Variants in INPP4B observed in about 807,000 individuals in gnomAD.
INPP4B encodes inositol polyphosphate-4-phosphatase type II B, also known as inositol polyphosphate 4-phosphatase type II.
A neutral mutation model predicts 122.5 loss-of-function variants in INPP4B; 55 were observed. That is an observed-to-expected ratio of 0.45 (90% CI 0.36 to 0.56). The LOEUF (loss-of-function observed/expected upper bound fraction) is 0.56, where lower values mean the gene tolerates loss of function less well. Ranked by LOEUF, INPP4B falls within the 20% of genes least tolerant of loss-of-function variation. The probability of loss-of-function intolerance (pLI) is 0.00; values close to 1 mark genes in which losing one functional copy is unlikely to be tolerated. For missense variants in INPP4B, 1,000 were observed against 1,097.7 expected (o/e 0.91, Z 1.26); for synonymous variants, 403 against 388.7 (o/e 1.04, Z -0.43).
intron 1 of INPP4B, among the ~76,000 whole-genome samples, chr4:142,825,764 A>G (rs2151166841): frequency 6.6e-6 from 1 of 152,228 alleles, no homozygotes; most frequent in East Asian, 1.9e-4. Flanking sequence ...GGAATAGAAG[A>G]GTGCTCTGAA....
intron 12 of INPP4B, among the ~76,000 whole-genome samples, chr4:142,231,174 G>A (rs945408566): frequency 6.6e-6 from 1 of 152,200 alleles, no homozygotes; most frequent in African/African-American, 2.4e-5. Context: ...GAGACTAACA[G>A]CAAGTGTGTT....
intron 24 of INPP4B, among the ~76,000 whole-genome samples, chr4:142,084,886 T>C (rs541244863): frequency 6.6e-6 from 1 of 152,324 alleles, no homozygotes; most frequent in Admixed American, 6.5e-5. Flanking sequence ...GGCATGAGTA[T>C]CAAACTATCT....
intron 2 of INPP4B, among the ~76,000 whole-genome samples, chr4:142,582,676 T>A (rs1279102154): frequency 6.6e-6 from 1 of 152,092 alleles, no homozygotes; most frequent in Non-Finnish European, 1.5e-5. Flanking sequence ...GTTTGGTGGG[T>A]GTGAAATCAA....
intron 2 of INPP4B, among the ~76,000 whole-genome samples, chr4:142,480,552 A>C (rs1310879739): frequency 6.6e-6 from 1 of 152,194 alleles, no homozygotes; most frequent in Non-Finnish European, 1.5e-5. Flanking sequence ...GGAAAAAAAC[A>C]AGGATCTCTG....
chr4:142,716,691 C>T (rs1203641730), intron 2 of INPP4B, among the ~76,000 whole-genome samples: 1 of 152,212 alleles, frequency 6.6e-6, no homozygotes, highest in African/African-American at 2.4e-5. Context: ...CCCAAGTCTA[C>T]ATTAGCAGCA....
chr4:142,188,639 C>G (rs1427980307), intron 15 of INPP4B, among the ~76,000 whole-genome samples: 1 of 149,336 alleles, frequency 6.7e-6, no homozygotes, highest in Non-Finnish European at 1.5e-5. Flanking sequence ...AGGGATCATG[C>G]TAGAAATAGA....
At chr4:142,380,726 C>T (rs945001453) in intron 7 of INPP4B, among the ~76,000 whole-genome samples, 2 of 151,770 alleles carry the variant, frequency 1.3e-5, no homozygotes, top group Admixed American at 6.6e-5. Context: ...CTGTATGTAT[C>T]CTCCCATATT....
At chr4:142,699,386 A>T (rs1324745723) in intron 2 of INPP4B, among the ~76,000 whole-genome samples, 2 of 152,082 alleles carry the variant, frequency 1.3e-5, no homozygotes, top group Admixed American at 1.3e-4. Flanking sequence ...ATATCTTTAT[A>T]CCTCAAACTA....
chr4:142,362,353 C>T (rs1447903227), intron 7 of INPP4B, among the ~76,000 whole-genome samples: 4 of 151,696 alleles, frequency 2.6e-5, no homozygotes, highest in Non-Finnish European at 4.4e-5. Flanking sequence ...GGTAAGTGTG[C>T]TTTAACAAGG....
In INPP4B at chr4:142,611,014, T is replaced by G. The variant is rs74597553; in HGVS notation, c.-191+114825A>C. 8.8e-3 allele frequency among the ~76,000 whole-genome samples: 1,347 copies of G among 152,210 alleles called. 25 individuals are homozygous for G. Among genetic ancestry groups the G allele is most frequent in the African/African-American group, 0.031 (1,277 of 41,520 alleles). On this transcript the variant is annotated intron_variant, in intron 2 of 25. Coordinates refer to ENST00000262992, the MANE Select transcript of INPP4B (RefSeq NM_001101669.3). ...TGAGTAATTTATAAAGAAAAGAGATTTAGTTTGCTCACAGTTCTGCAGGAT... is the reference window on the plus strand; with the variant it reads ...TGAGTAATTTATAAAGAAAAGAGATGTAGTTTGCTCACAGTTCTGCAGGAT...
chr4:142,283,981 T>C (rs1752362601), intron 9 of INPP4B, among the ~76,000 whole-genome samples: 2 of 152,056 alleles, frequency 1.3e-5, no homozygotes, highest in South Asian at 2.1e-4. Context: ...AAGGGAAGAA[T>C]AGGTTTTGAG....
intron 2 of INPP4B, among the ~76,000 whole-genome samples, chr4:142,515,323 A>G (rs930882728): frequency 6.6e-6 from 1 of 152,180 alleles, no homozygotes; most frequent in Admixed American, 6.5e-5. Flanking sequence ...TCTTGGTCAC[A>G]GACTTCTTGT....
At chr4:142,842,301 A>T (rs1783587540) in intron 1 of INPP4B, among the ~76,000 whole-genome samples, 1 of 151,518 alleles carries the variant, frequency 6.6e-6, no homozygotes, top group East Asian at 1.9e-4. Flanking sequence ...TTATTTAAGG[A>T]CATATACTGT....
chr4:142,418,627 G>A (rs1463922753), intron 5 of INPP4B, among the ~76,000 whole-genome samples: 1 of 152,084 alleles, frequency 6.6e-6, no homozygotes, highest in Non-Finnish European at 1.5e-5. Context: ...ACCAGCTAAG[G>A]GGGGACAATA....
chr4:142,025,516 C>T lies in INPP4B; in HGVS notation c.*3266G>A, dbSNP rs1421227482. The T allele has an allele frequency of 6.6e-6, 1 of 152,074 alleles. No individual in the cohort carries two copies. Among genetic ancestry groups the T allele is most frequent in the Non-Finnish European group, 1.5e-5 (1 of 68,018 alleles). 9.4% of individuals were successfully genotyped at this position (152,074 alleles called of 1,614,324 possible). A position where few individuals can be genotyped will look rare whatever the true frequency, so the allele number is the denominator to read the frequency against. On this transcript the variant is annotated 3_prime_UTR_variant, in exon 26 of 26. Transcript: ENST00000262992. ...TTTTATGCATCAGAACGAGCTAGTT[C>T]CAGCCCACCAGTGGTATTGTGTCTC...
chr4:142,112,432 G>A (rs1790667442), intron 22 of INPP4B, 110 bp downstream of exon 22: 1 of 1,096,228 alleles, frequency 9.1e-7, no homozygotes, highest in Admixed American at 2.6e-5. Flanking sequence ...AAAGAAAAAT[G>A]TTACTCATAA....
At chr4:142,458,173 AG>A (rs993598756) in intron 3 of INPP4B, among the ~76,000 whole-genome samples, 2 of 152,310 alleles carry the variant, frequency 1.3e-5, no homozygotes, top group African/African-American at 2.4e-5. Flanking sequence ...TGTAAGTAAA[AG>A]GTGGCCAGCT....
chr4:142,211,426 A>T (rs17654193), intron 12 of INPP4B, among the ~76,000 whole-genome samples: 4,067 of 152,086 alleles, frequency 0.027, 75 homozygotes, highest in Non-Finnish European at 0.043. Context: ...TGGTCAAAAA[A>T]CCTCCTAGAT....
intron 15 of INPP4B, among the ~76,000 whole-genome samples, chr4:142,179,813 G>A (rs955503614): frequency 6.6e-6 from 1 of 151,830 alleles, no homozygotes; most frequent in Admixed American, 6.6e-5. Flanking sequence ...TCCTTTCCTG[G>A]CCTATTCCCA....
Sources: allele counts gnomAD v4.1 joint callset (sites outside exome capture counted in the v4.1 genomes callset), GRCh38; gene constraint gnomAD v4.1.1; transcripts MANE v1.5; gene names NCBI Gene and HGNC (gene_info 2026-07-23, HGNC 2026-07-21).